CSNK1D: variants seen among roughly 807,000 people sequenced by gnomAD.
CSNK1D encodes the protein casein kinase I isoform delta.
A neutral mutation model predicts 46.6 loss-of-function variants in CSNK1D; 16 were observed. The observed-to-expected ratio is 0.34, with a 90% CI of 0.23 to 0.52. CSNK1D has a LOEUF of 0.52. Among genes scored for constraint, CSNK1D ranks in the 20% least tolerant of loss-of-function variants. The pLI is 0.95. For missense variants in CSNK1D, 398 were observed against 578.4 expected, an observed-to-expected ratio of 0.69 and a Z score of 3.20; for synonymous variants, 276 against 228.2, an observed-to-expected ratio of 1.21 and a Z score of -1.89.
chr17:82,244,877 AGCCG>A, intron 8 of CSNK1D, 46 bp from the exon 9 acceptor site: 1 of 1,612,408 alleles, frequency 6.2e-7, no homozygotes, highest in South Asian at 1.1e-5. Flanking sequence ...GGGCTGGGGG[AGCCG>A]GCCAGGCAGA....
rs2051702934 is a variant in CSNK1D, at chr17:82,273,645, C to T, written c.-264G>A. 6 of 548,478 alleles carry T rather than the reference C, an allele frequency of 1.1e-5. No homozygotes were observed. Among genetic ancestry groups the T allele is most frequent in the Non-Finnish European group, 1.6e-5 (5 of 313,398 alleles). The allele number at this position is 548,478 out of a possible 1,614,324, so 34.0% of individuals were successfully genotyped here. A position where few individuals can be genotyped will look rare whatever the true frequency, so the allele number is the denominator to read the frequency against. On this transcript the variant is annotated 5_prime_UTR_variant, in exon 1 of 9. Coordinates refer to ENST00000314028, the MANE Select transcript of CSNK1D (RefSeq NM_001893.6). This position sits in a 1 kb window ranked among gnomAD's most constrained non-coding sequence, Gnocchi z 5.1. ...CTCCCCGCCGCGGATGGACTCGGAT[C>T]TTCCGGGCCTAAATCCCCTTTCAGC...
At chr17:82,271,128 T>G (rs1258536882) in intron 1 of CSNK1D, among the ~76,000 whole-genome samples, 1 of 152,238 alleles carries the variant, frequency 6.6e-6, no homozygotes, top group Non-Finnish European at 1.5e-5. Flanking sequence ...CAGGCTGCAG[T>G]GCAGTGGTGT....
rs572618120 is a variant in CSNK1D, at chr17:82,267,620, C to G, written c.77-1824G>C. On this transcript the variant is annotated intron_variant, in intron 1 of 8. Transcript: ENST00000314028. ...TTGTTCTTCCTGCCTACAGTTGGGA[C>G]AGTCTATCCAATTACAAGAGAAATG... is the stretch of plus-strand genomic sequence containing the variant. Among the ~76,000 whole-genome samples the G allele has an allele frequency of 2.0e-5, 3 of 152,312 alleles. No homozygotes were observed. The East Asian group carries it at 5.8e-4, about 29-fold the overall frequency.
intron 1 of CSNK1D, among the ~76,000 whole-genome samples, chr17:82,266,513 T>C (rs1266720931): frequency 6.6e-6 from 1 of 152,232 alleles, no homozygotes; most frequent in Non-Finnish European, 1.5e-5. Flanking sequence ...ACTATGAGTT[T>C]GGAGGCAAAA....
At chr17:82,240,038 G>A (rs533227051), downstream of CSNK1D, 377 of 1,233,802 alleles carry the variant, frequency 3.1e-4, 1 homozygote, top group South Asian at 7.2e-3. Flanking sequence ...GCGTGCAGCC[G>A]GAGAGATGCC....
At chr17:82,240,011 G>A (rs561450294), downstream of CSNK1D, 120 of 1,233,780 alleles carry the variant, frequency 9.7e-5, no homozygotes, top group East Asian at 1.7e-3. Flanking sequence ...GGACGGCAGC[G>A]GGTGCCCTGG....
At position 82,244,333 on chromosome 17, in the gene CSNK1D, A is replaced by G; in HGVS notation, c.*448T>C. ...CAACATTTTTTTTGTAAGACTGCAAAAACAGACAAGAAACAATAAAAAGAC... is the reference window on the plus strand; with the variant it reads ...CAACATTTTTTTTGTAAGACTGCAAGAACAGACAAGAAACAATAAAAAGAC... On this transcript the variant is annotated 3_prime_UTR_variant, in exon 9 of 9. Coordinates refer to ENST00000314028, the MANE Select transcript of CSNK1D (RefSeq NM_001893.6). 2 of 1,103,162 alleles carry G rather than the reference A, an allele frequency of 1.8e-6. No individual in the cohort carries two copies. The highest frequency in any genetic ancestry group is 2.2e-6 in the Non-Finnish European group (2 of 897,476). The allele number at this position is 1,103,162 out of a possible 1,614,324, so 68.3% of individuals were successfully genotyped here.
downstream of CSNK1D, among the ~76,000 whole-genome samples, chr17:82,241,420 AC>A (rs2050740560): frequency 6.6e-6 from 1 of 152,178 alleles, no homozygotes; most frequent in South Asian, 2.1e-4. Flanking sequence ...GAGGACACAG[AC>A]CCAGCCAGAC....
At chr17:82,257,725 C>A (rs1472367427) in intron 2 of CSNK1D, among the ~76,000 whole-genome samples, 1 of 152,224 alleles carries the variant, frequency 6.6e-6, no homozygotes, top group East Asian at 1.9e-4. Flanking sequence ...TGGAACCCAA[C>A]CTCATCCCAG....
chr17:82,256,462 G>A (rs966926396), intron 2 of CSNK1D, among the ~76,000 whole-genome samples: 5 of 151,166 alleles, frequency 3.3e-5, no homozygotes, highest in African/African-American at 9.8e-5. Flanking sequence ...GCAGTGAGCC[G>A]TGATGGCACC....
rs2050975198 is a variant in CSNK1D, at chr17:82,250,462, G to A, written c.886-860C>T. 1 of 325,870 alleles carries A rather than the reference G, an allele frequency of 3.1e-6. No homozygotes were observed. The highest frequency in any genetic ancestry group is 2.2e-5 in the African/African-American group (1 of 45,732). The allele number at this position is 325,870 out of a possible 1,614,324, so 20.2% of individuals were successfully genotyped here. A position where few individuals can be genotyped will look rare whatever the true frequency, so the allele number is the denominator to read the frequency against. On this transcript the variant is annotated intron_variant, in intron 6 of 8. Coordinates refer to ENST00000314028, the MANE Select transcript of CSNK1D (RefSeq NM_001893.6). This position sits in a 1 kb window ranked among gnomAD's most constrained non-coding sequence, Gnocchi z 4.6. ...GGAGGGTCGCTCTGATTCCTCCCGA[G>A]GCAGCACAGCCCCGGCAGAGGGACT...
In CSNK1D at chr17:82,243,492, C is replaced by A; in HGVS notation, c.*1289G>T. The stretch of plus-strand genomic sequence containing the variant: ...TGGGGCAGCACCAGCTCACGGAGGC[C>A]ACCTGCCTTCTGGTGGGACTCGGCC... On this transcript the variant is annotated 3_prime_UTR_variant, in exon 9 of 9. Coordinates refer to ENST00000314028, the MANE Select transcript of CSNK1D (RefSeq NM_001893.6). 1.0e-6 allele frequency: 1 copy of A among 985,538 alleles called. No homozygotes were observed. The highest frequency in any genetic ancestry group is 1.2e-6 in the Non-Finnish European group (1 of 829,998). The allele number at this position is 985,538 out of a possible 1,614,324, so 61.0% of individuals were successfully genotyped here.
At chr17:82,265,340 G>A (rs2051441994) in intron 2 of CSNK1D, 1 of 352,160 alleles carries the variant, frequency 2.8e-6, no homozygotes, top group African/African-American at 2.2e-5. Context: ...CATCACACTT[G>A]GCTAATTTTT....
Position 82,251,704 on chromosome 17 carries a change from G to C in CSNK1D, c.737-177C>G. 2.7e-6 allele frequency: 2 copies of C among 747,548 alleles called. No homozygotes were observed. Among genetic ancestry groups the C allele is most frequent in the African/African-American group, 1.7e-5 (1 of 57,990 alleles). The allele number at this position is 747,548 out of a possible 1,614,324, so 46.3% of individuals were successfully genotyped here. On this transcript the variant is annotated intron_variant, in intron 5 of 8. Transcript: ENST00000314028. The surrounding 1 kb of genome is among the most constrained non-coding windows in gnomAD (Gnocchi z 4.5). Reference sequence around the variant, plus strand: ...TGAGAAAGCATCGAAAAGTATTCAAGTCACGGCCGGGTGCGGCGGCTCACG... The same window carrying C: ...TGAGAAAGCATCGAAAAGTATTCAACTCACGGCCGGGTGCGGCGGCTCACG...
rs2051689443 is a variant in CSNK1D, at chr17:82,273,351, G to A, written c.31C>T (p.Leu11=). 3 of 1,610,942 alleles carry A rather than the reference G, an allele frequency of 1.9e-6. No homozygotes were observed. ...GAGCCGCTGCCGATCTTCCGGCCCAGCCGGTACCTGTTCCCGACTCTCAGC... is the reference window on the plus strand; with the variant it reads ...GAGCCGCTGCCGATCTTCCGGCCCAACCGGTACCTGTTCCCGACTCTCAGC... MELRVGNRYR[L]GRKIGSGSFG... The change falls in exon 1 of 9, where the codon CTG becomes TTG. Residue 11 remains leucine, a synonymous_variant. Transcript: ENST00000314028. This position sits in a 1 kb window ranked among gnomAD's most constrained non-coding sequence, Gnocchi z 5.1.
chr17:82,254,127 G>A (rs1377460892), intron 3 of CSNK1D: 10 of 211,794 alleles, frequency 4.7e-5, no homozygotes, highest in South Asian at 1.8e-4. Flanking sequence ...CTGAGCCGTC[G>A]GAGCCTCGAG....
Position 82,243,194 on chromosome 17 carries a change from G to T in CSNK1D, c.*1587C>A, listed in dbSNP as rs1202742567. ...AGGCAGACGGCCAGCCAGCTGGTGGGGGGGTGAACAACTGTGTTCTGGGAC... is the reference window on the plus strand; with the variant it reads ...AGGCAGACGGCCAGCCAGCTGGTGGTGGGGTGAACAACTGTGTTCTGGGAC... On this transcript the variant is annotated 3_prime_UTR_variant, in exon 9 of 9. Transcript: ENST00000314028. 2.0e-6 allele frequency: 2 copies of T among 985,678 alleles called. No individual in the cohort carries two copies. The highest frequency in any genetic ancestry group is 2.4e-6 in the Non-Finnish European group (2 of 830,108). 61.1% of individuals were successfully genotyped at this position (985,678 alleles called of 1,614,324 possible). A position where few individuals can be genotyped will look rare whatever the true frequency, so the allele number is the denominator to read the frequency against.
In CSNK1D at chr17:82,249,003, G is replaced by T. The variant is rs749899289; in HGVS notation, c.1069C>A (p.Pro357Thr). Residue 357 changes from proline (P) to threonine (T), a missense_variant, in exon 8 of 9, where the codon CCC becomes ACC. Physicochemically the swap from Pro to Thr is conservative, Grantham distance 38. Around this residue, in one of 2 missense-constraint regions of CSNK1D, gnomAD observed 181 missense variants for 208.0 expected, o/e 0.87. Coordinates refer to ENST00000314028, the MANE Select transcript of CSNK1D (RefSeq NM_001893.6). The surrounding 1 kb of genome is among the most constrained non-coding windows in gnomAD (Gnocchi z 6.7). ...CTCTCCATGCCGGAGACGGGCCGGG[G>T]GGAGGTGTTAGCTGAGGACAGGGAG... ...TPTSHTANTSPRPVSGMERER... is the reference protein window; with the variant it reads ...TPTSHTANTSTRPVSGMERER... 7.7e-6 allele frequency: 12 copies of T among 1,561,460 alleles called. No individual in the cohort carries two copies. Among genetic ancestry groups the T allele is most frequent in the Non-Finnish European group, 1.0e-5 (12 of 1,151,894 alleles).
chr17:82,240,092 A>C (rs1329033736), downstream of CSNK1D: 4 of 1,231,950 alleles, frequency 3.2e-6, no homozygotes, highest in East Asian at 3.2e-5. Context: ...AAAAGTGCAC[A>C]TCTCAGGTCC....
Sources: gnomAD v4.1 joint callset for allele counts (sites outside exome capture counted in the v4.1 genomes callset) on GRCh38, gnomAD v4.1.1 for gene constraint, gnomAD v4.1.1 regional missense constraint, Gnocchi (gnomAD v3.1) non-coding constraint, MANE v1.5 for transcripts, NCBI Gene and HGNC (gene_info 2026-07-23, HGNC 2026-07-21) for gene names.